The following GALNT17 variants were observed in gnomAD, a reference collection of about 807,000 sequenced individuals.
GALNT17 encodes the protein polypeptide N-acetylgalactosaminyltransferase 17, also known as UDP-GalNAc:polypeptide N-acetylgalactosaminyltransferase-like 3.
GALNT17 carries 29 observed loss-of-function variants against 63.7 expected under a neutral mutation model. The ratio of observed to expected loss-of-function variants is 0.46; its 90% CI spans 0.34 to 0.62. The LOEUF (loss-of-function observed/expected upper bound fraction) is 0.62. Among genes scored for constraint, GALNT17 ranks in the 20% least tolerant of loss-of-function variants. GALNT17 has a pLI of 0.01. For synonymous variants in GALNT17, 305 were observed against 318.3 expected (o/e 0.96, Z 0.45); for missense variants, 603 against 799.6 (o/e 0.75, Z 2.97).
At chr7:71,427,205 A>G (rs543798217) in intron 5 of GALNT17, among the ~76,000 whole-genome samples, 82 of 150,894 alleles carry the variant, frequency 5.4e-4, no homozygotes, top group African/African-American at 1.9e-3. Flanking sequence ...TCAGCCTACC[A>G]AGTAGCTGGG....
chr7:71,174,123 A>T (rs1788593836), intron 1 of GALNT17, among the ~76,000 whole-genome samples: 1 of 152,124 alleles, frequency 6.6e-6, no homozygotes, highest in Non-Finnish European at 1.5e-5. Flanking sequence ...GGGCTCATAG[A>T]CAGGAGAGGG....
chr7:71,209,976 G>A (rs768061864), intron 1 of GALNT17, among the ~76,000 whole-genome samples: 12 of 152,016 alleles, frequency 7.9e-5, no homozygotes, highest in Non-Finnish European at 1.5e-4. Flanking sequence ...AGGCTGGAGT[G>A]CAGTGGCACA....
chr7:71,533,006 C>T (rs1352514601), intron 5 of GALNT17, among the ~76,000 whole-genome samples: 1 of 152,136 alleles, frequency 6.6e-6, no homozygotes, highest in African/African-American at 2.4e-5. Context: ...GTAATAAATG[C>T]TCATGTTTCT....
intron 5 of GALNT17, among the ~76,000 whole-genome samples, chr7:71,527,056 G>C (rs1788636336): frequency 6.6e-6 from 1 of 152,122 alleles, no homozygotes; most frequent in South Asian, 2.1e-4. Context: ...TTTTAAGTTA[G>C]AATCTTGTCC....
rs1277874254 is a variant in GALNT17, at chr7:71,693,297, C to CATATATATAT, written c.1500+15992_1500+15993insTATATATATA. 1.5e-3 allele frequency among the ~76,000 whole-genome samples: 179 copies of CATATATATAT among 115,624 alleles called. 4 individuals are homozygous for CATATATATAT. Among genetic ancestry groups the CATATATATAT allele is most frequent in the African/African-American group, 5.6e-3 (145 of 25,826 alleles). The allele number at this position is 115,624 out of a possible 152,430, so 75.9% of individuals were successfully genotyped here. On this transcript the variant is annotated intron_variant, in intron 9 of 10. Coordinates refer to ENST00000333538, the MANE Select transcript of GALNT17 (RefSeq NM_022479.3). ...ACACACACACACACACACACACACA[C>CATATATATAT]ACACACACACACATATATATATATG...
At chr7:71,306,526 G>A (rs1363962799) in intron 1 of GALNT17, among the ~76,000 whole-genome samples, 1 of 151,968 alleles carries the variant, frequency 6.6e-6, no homozygotes, top group African/African-American at 2.4e-5. Context: ...TTAGAATATC[G>A]TCCTCAAAGT....
At chr7:71,504,371 C>A (rs1295120488) in intron 5 of GALNT17, among the ~76,000 whole-genome samples, 1 of 151,874 alleles carries the variant, frequency 6.6e-6, no homozygotes, top group Non-Finnish European at 1.5e-5. Flanking sequence ...CCCTGGGCGA[C>A]AGAGCTAGAC....
At chr7:71,317,303 C>T (rs960464820) in intron 1 of GALNT17, among the ~76,000 whole-genome samples, 1 of 152,156 alleles carries the variant, frequency 6.6e-6, no homozygotes, top group African/African-American at 2.4e-5. Context: ...TGAGAATCAC[C>T]GTGACACTGA....
At chr7:71,544,130 T>TC (rs1788940740) in intron 5 of GALNT17, among the ~76,000 whole-genome samples, 2 of 143,202 alleles carry the variant, frequency 1.4e-5, no homozygotes, top group South Asian at 2.4e-4. Context: ...TTTTCTTTTT[T>TC]TTTTTTTTTT....
intron 1 of GALNT17, among the ~76,000 whole-genome samples, chr7:71,133,244 C>T (rs1173675587): frequency 6.6e-6 from 1 of 152,142 alleles, no homozygotes; most frequent in Admixed American, 6.5e-5. Flanking sequence ...TTTTCTGTGC[C>T]CCACCTGCAA....
intron 1 of GALNT17, among the ~76,000 whole-genome samples, chr7:71,190,474 G>A (rs1272529495): frequency 2.0e-5 from 3 of 152,078 alleles, no homozygotes; most frequent in Non-Finnish European, 4.4e-5. Context: ...GCTTCCTGAG[G>A]CTTTACCAGA....
chr7:71,567,392 C>T (rs1342332816), intron 5 of GALNT17, among the ~76,000 whole-genome samples: 1 of 152,242 alleles, frequency 6.6e-6, no homozygotes, highest in Non-Finnish European at 1.5e-5. Context: ...TATTGAGCTC[C>T]TGCTCTGTGC....
chr7:71,270,810 T>C (rs1464379012), intron 1 of GALNT17, among the ~76,000 whole-genome samples: 1 of 151,992 alleles, frequency 6.6e-6, no homozygotes, highest in Non-Finnish European at 1.5e-5. Context: ...AGCTGTTCAT[T>C]TCCCTCCCAC....
chr7:71,371,031 C>G (rs1792612500), intron 2 of GALNT17, among the ~76,000 whole-genome samples: 1 of 152,188 alleles, frequency 6.6e-6, no homozygotes, highest in South Asian at 2.1e-4. Flanking sequence ...CAAGTTGTAT[C>G]TTTCTTCCCC....
intron 1 of GALNT17, among the ~76,000 whole-genome samples, chr7:71,152,558 C>T (rs1016679079): frequency 2.0e-5 from 3 of 152,208 alleles, no homozygotes; most frequent in African/African-American, 4.8e-5. Context: ...TCTGAAAATC[C>T]GCAGCCCCGG....
intron 6 of GALNT17, among the ~76,000 whole-genome samples, chr7:71,633,991 C>T (rs1395995426): frequency 6.6e-6 from 1 of 152,200 alleles, no homozygotes; most frequent in Non-Finnish European, 1.5e-5. Flanking sequence ...TGACTGGCCT[C>T]CTGTCTATTA....
chr7:71,502,120 T>G (rs545352449), intron 5 of GALNT17, among the ~76,000 whole-genome samples: 2 of 152,192 alleles, frequency 1.3e-5, no homozygotes, highest in Non-Finnish European at 2.9e-5. Context: ...TGCATTAAAA[T>G]CAAAGCAAAA....
At chr7:71,665,097 C>G (rs976258738) in intron 6 of GALNT17, among the ~76,000 whole-genome samples, 1 of 152,124 alleles carries the variant, frequency 6.6e-6, no homozygotes, top group Non-Finnish European at 1.5e-5. Flanking sequence ...TGTGCCTCAG[C>G]CTCCTGAGTA....
At position 71,147,624 on chromosome 7, in the gene GALNT17, G is replaced by C. The variant is rs141648718; in HGVS notation, c.238+14584G>C. Among the ~76,000 whole-genome samples, 455 of 152,022 alleles carry C rather than the reference G, an allele frequency of 3.0e-3. 2 individuals are homozygous for C. Among genetic ancestry groups the C allele is most frequent in the African/African-American group, 0.011 (438 of 41,484 alleles). ...TATTAAAATCTCATGCATTCTCCAA[G>C]GACCATTTCTTTTTTCTTTTTTTTT... On this transcript the variant is annotated intron_variant, in intron 1 of 10. Coordinates refer to ENST00000333538, the MANE Select transcript of GALNT17 (RefSeq NM_022479.3).
Sources: allele counts gnomAD v4.1 joint callset (sites outside exome capture counted in the v4.1 genomes callset), GRCh38; gene constraint gnomAD v4.1.1; transcripts MANE v1.5; gene names NCBI Gene and HGNC (gene_info 2026-07-23, HGNC 2026-07-21).